The following RBFOX3 variants were observed in gnomAD, a reference collection of about 807,000 sequenced individuals.
RBFOX3 encodes the protein RNA binding protein fox-1 homolog 3.
Under a neutral mutation model 48.7 loss-of-function variants are expected in RBFOX3, and 17 were observed. That is an observed-to-expected ratio of 0.35 (90% confidence interval 0.24 to 0.52). RBFOX3 has a LOEUF of 0.52. RBFOX3 is among the 20% of genes least tolerant of loss of function. The probability of loss-of-function intolerance (pLI) is 0.94; values close to 1 mark genes in which losing one functional copy is unlikely to be tolerated. For missense variants in RBFOX3, 382 were observed against 497.5 expected (o/e 0.77, Z 2.21); for synonymous variants, 212 against 209.5 (o/e 1.01, Z -0.10).
intron 2 of RBFOX3, among the ~76,000 whole-genome samples, chr17:79,317,370 A>G (rs1463468133): frequency 6.6e-6 from 1 of 152,230 alleles, no homozygotes; most frequent in Non-Finnish European, 1.5e-5. Context: ...GCTCAGACCC[A>G]CACGGACCTC....
chr17:79,305,584 G>A (rs944889060), intron 3 of RBFOX3, among the ~76,000 whole-genome samples: 1 of 152,100 alleles, frequency 6.6e-6, no homozygotes, highest in African/African-American at 2.4e-5. Flanking sequence ...CTGAACAGGG[G>A]AGAAAGACTT....
chr17:79,441,853 A>G (rs1568256806), intron 2 of RBFOX3, among the ~76,000 whole-genome samples: 1 of 152,092 alleles, frequency 6.6e-6, no homozygotes, highest in Non-Finnish European at 1.5e-5. Flanking sequence ...GCCCTGGCCC[A>G]GGCAGGTGCT....
At chr17:79,144,376 C>CTAA (rs2042583591) in intron 4 of RBFOX3, among the ~76,000 whole-genome samples, 1 of 152,000 alleles carries the variant, frequency 6.6e-6, no homozygotes, top group Non-Finnish European at 1.5e-5. Context: ...CGGGAGACGC[C>CTAA]TACCACAGAG....
At chr17:79,219,165 G>C (rs760847012) in intron 4 of RBFOX3, among the ~76,000 whole-genome samples, 11 of 152,216 alleles carry the variant, frequency 7.2e-5, no homozygotes, top group Non-Finnish European at 1.5e-4. Flanking sequence ...CCATGCTGCA[G>C]GGTAGATTGT....
chr17:79,620,444 TGCACAC>T, the RBFOX3 span, among the ~76,000 whole-genome samples: 13 of 112,754 alleles, frequency 1.2e-4, no homozygotes, highest in East Asian at 3.4e-3. Flanking sequence ...CACATGCACA[TGCACAC>T]ATGCGCACAC....
Position 79,097,361 on chromosome 17 carries a change from C to T in RBFOX3, c.686G>A (p.Gly229Asp). 1 of 1,548,908 alleles carries T rather than the reference C, an allele frequency of 6.5e-7. No individual in the cohort carries two copies. Among genetic ancestry groups the T allele is most frequent in the Non-Finnish European group, 8.7e-7 (1 of 1,146,306 alleles). The change falls in exon 11 of 15, where the codon GGC (glycine) becomes GAC (aspartate). Residue 229 changes from glycine (G) to aspartate (D), a missense_variant. By Grantham distance (94) the Gly-to-Asp change is moderately conservative. This residue lies in a region of RBFOX3 where 215 missense variants were observed against 254.8 expected (regional missense o/e 0.84). Transcript: ENST00000693108. ...AVAYRGAHLR[G>D]RGRAVYNTFR... is the part of the protein sequence containing the mutation. ...TGTATTATACACGGCCCGGCCCCGG[C>T]CCCGAAGATGTGCGCCCCGGTAGGC...
At chr17:79,315,684 C>T (rs574251127) in intron 2 of RBFOX3, among the ~76,000 whole-genome samples, 81 of 152,360 alleles carry the variant, frequency 5.3e-4, no homozygotes, top group Non-Finnish European at 7.2e-4. Context: ...CCTCTGTGGT[C>T]GACAGCGACA....
chr17:79,101,830 G>A (rs569562371), intron 8 of RBFOX3, among the ~76,000 whole-genome samples, 186 bp from the exon 9 acceptor site: 18 of 149,574 alleles, frequency 1.2e-4, no homozygotes, highest in Middle Eastern at 7.0e-3. Context: ...CTAAAGCCCC[G>A]CCTGGCCCAG....
At chr17:79,122,674 G>T (rs1031605161) in intron 4 of RBFOX3, among the ~76,000 whole-genome samples, 44 of 151,106 alleles carry the variant, frequency 2.9e-4, no homozygotes, top group African/African-American at 8.3e-4. Flanking sequence ...GAAAACAGCT[G>T]CCGTAGGATC....
chr17:79,264,968 G>GC (rs2066445115), intron 3 of RBFOX3, among the ~76,000 whole-genome samples: 2 of 151,296 alleles, frequency 1.3e-5, no homozygotes, highest in Non-Finnish European at 2.9e-5. Flanking sequence ...CGAGAGGAGG[G>GC]GGGGGGGGCG....
chr17:79,190,436 AAAAC>A (rs1183158802), intron 4 of RBFOX3, among the ~76,000 whole-genome samples: 2 of 140,922 alleles, frequency 1.4e-5, no homozygotes, highest in African/African-American at 5.0e-5. Flanking sequence ...AAAAAACAAA[AAAAC>A]AGAGTGAAGA....
chr17:79,153,930 C>A (rs1038058987), intron 4 of RBFOX3, among the ~76,000 whole-genome samples: 1 of 152,194 alleles, frequency 6.6e-6, no homozygotes, highest in African/African-American at 2.4e-5. Flanking sequence ...CAACCGCAGA[C>A]CCTACTGTCT....
chr17:79,619,951 C>T, the RBFOX3 span, among the ~76,000 whole-genome samples: 1,160 of 152,332 alleles, frequency 7.6e-3, 54 homozygotes, highest in East Asian at 0.15. Context: ...GGCTGCTTCC[C>T]GCACCCTGGA....
Position 79,423,700 on chromosome 17 carries a change from T to A in RBFOX3, c.-175+58754A>T, listed in dbSNP as rs1216897148. 2.0e-5 allele frequency: 3 copies of A among 152,642 alleles called. No individual in the cohort carries two copies. The highest frequency in any genetic ancestry group is 7.3e-5 in the African/African-American group (3 of 41,088). The allele number at this position is 152,642 out of a possible 1,614,324, so 9.5% of individuals were successfully genotyped here. A position where few individuals can be genotyped will look rare whatever the true frequency, so the allele number is the denominator to read the frequency against. ...GTGCCCACAGACAAGGTCAGCTCAA[T>A]ACATACTTGTTCAAGGAACGGACAA... On this transcript the variant is annotated intron_variant, in intron 2 of 14. Coordinates refer to ENST00000693108, the MANE Select transcript of RBFOX3 (RefSeq NM_001350451.2). The surrounding 1 kb of genome is among the most constrained non-coding windows in gnomAD (Gnocchi z 4.9).
At chr17:79,493,616 T>C (rs2149629892) in intron 1 of RBFOX3, among the ~76,000 whole-genome samples, 1 of 152,312 alleles carries the variant, frequency 6.6e-6, no homozygotes, top group East Asian at 1.9e-4. Context: ...GGTCACTCTG[T>C]CATAGCTGCC....
At chr17:79,267,598 C>G (rs2066932441) in intron 3 of RBFOX3, among the ~76,000 whole-genome samples, 1 of 152,156 alleles carries the variant, frequency 6.6e-6, no homozygotes, top group Non-Finnish European at 1.5e-5. Context: ...ACCATGTTGG[C>G]CAAGCTTGTC....
intron 3 of RBFOX3, among the ~76,000 whole-genome samples, chr17:79,293,809 G>A (rs955304073): frequency 2.0e-5 from 3 of 152,174 alleles, no homozygotes; most frequent in African/African-American, 7.2e-5. Flanking sequence ...TAAGCAGGAA[G>A]GCTGCCCTGT....
intron 1 of RBFOX3, among the ~76,000 whole-genome samples, chr17:79,574,480 C>T (rs1390574628): frequency 3.3e-5 from 5 of 152,182 alleles, no homozygotes; most frequent in African/African-American, 4.8e-5. Flanking sequence ...GAGACACCCC[C>T]GCCAGCACCA....
chr17:79,154,980 C>G (rs1038658772), intron 4 of RBFOX3, among the ~76,000 whole-genome samples: 1 of 152,186 alleles, frequency 6.6e-6, no homozygotes, highest in Admixed American at 6.5e-5. Context: ...GGCAGCCCAG[C>G]CTCGGCGTCT....
Sources: allele counts gnomAD v4.1 joint callset (sites outside exome capture counted in the v4.1 genomes callset), GRCh38; gene constraint gnomAD v4.1.1; regional missense constraint gnomAD v4.1.1; non-coding constraint Gnocchi (gnomAD v3.1); transcripts MANE v1.5; gene names NCBI Gene and HGNC (gene_info 2026-07-23, HGNC 2026-07-21).